The following DNAAF9 variants were observed in gnomAD, a reference collection of about 807,000 sequenced individuals.
DNAAF9 encodes dynein axonemal assembly factor 9.
Under a neutral mutation model 167.0 loss-of-function variants are expected in DNAAF9, and 90 were observed. The observed-to-expected ratio is 0.54, with a 90% CI of 0.45 to 0.64. DNAAF9 has a LOEUF of 0.64. DNAAF9 is among the 30% of genes least tolerant of loss of function. The pLI, the probability that DNAAF9 is intolerant of heterozygous loss-of-function variation, is 0.00. For missense variants in DNAAF9, 1,315 were observed against 1,442.2 expected (o/e 0.91, Z 1.43); for synonymous variants, 491 against 508.8 (o/e 0.96, Z 0.47).
At chr20:3,290,298 T>C in intron 25 of DNAAF9, 81 bp from the exon 26 acceptor site, 1 of 894,326 alleles carries the variant, frequency 1.1e-6, no homozygotes, top group Non-Finnish European at 1.9e-6. Context: ...TGACTTCTGG[T>C]GCCAAGCATT....
chr20:3,294,137 A>G lies in DNAAF9; in HGVS notation c.2238+2T>C. ...CCCAGCATATCTGGTGAGCTCCTCT[A>G]CCTTGTCACTTTCTATTCTGTGAGT... is the stretch of plus-strand genomic sequence containing the variant. On this transcript the variant is annotated splice_donor_variant, in intron 25 of 36. Coordinates refer to ENST00000252032, the MANE Select transcript of DNAAF9 (RefSeq NM_001009984.3). LOFTEE classifies it high-confidence loss of function. 1 of 1,521,140 alleles carries G rather than the reference A, an allele frequency of 6.6e-7. No homozygotes were observed. Among genetic ancestry groups the G allele is most frequent in the Non-Finnish European group, 9.1e-7 (1 of 1,095,190 alleles). 94.2% of individuals were successfully genotyped at this position (1,521,140 alleles called of 1,614,324 possible).
At chr20:3,355,945 A>G (rs1357815441) in intron 7 of DNAAF9, among the ~76,000 whole-genome samples, 1 of 152,098 alleles carries the variant, frequency 6.6e-6, no homozygotes, top group Non-Finnish European at 1.5e-5. Context: ...AATTTCATTA[A>G]AAGTTTGCAA....
chr20:3,403,694 C>T (rs1168832999), intron 1 of DNAAF9, among the ~76,000 whole-genome samples: 1 of 151,980 alleles, frequency 6.6e-6, no homozygotes, highest in Non-Finnish European at 1.5e-5. Flanking sequence ...AACTCGACAC[C>T]TCATGATCTT....
intron 20 of DNAAF9, among the ~76,000 whole-genome samples, chr20:3,312,240 G>T (rs12481544): frequency 6.6e-6 from 1 of 151,986 alleles, no homozygotes; most frequent in Non-Finnish European, 1.5e-5. Flanking sequence ...CGCCCGCCTT[G>T]GCCTCCCAAA....
chr20:3,366,794 G>A (rs561564203), intron 6 of DNAAF9, among the ~76,000 whole-genome samples: 44 of 151,888 alleles, frequency 2.9e-4, no homozygotes, highest in African/African-American at 1.0e-3. Context: ...GCATGGTGGT[G>A]TACCCCTGTA....
chr20:3,367,306 C>T (rs1402229311), intron 6 of DNAAF9, among the ~76,000 whole-genome samples: 1 of 152,234 alleles, frequency 6.6e-6, no homozygotes, highest in Non-Finnish European at 1.5e-5. Flanking sequence ...ATCCAGACCA[C>T]TCAAAGTTTC....
At chr20:3,329,384 C>G (rs754069918) in intron 12 of DNAAF9, among the ~76,000 whole-genome samples, 36 of 152,168 alleles carry the variant, frequency 2.4e-4, no homozygotes, top group Non-Finnish European at 5.0e-4. Context: ...GTCTCGAATT[C>G]CTGGGCTCAA....
intron 1 of DNAAF9, among the ~76,000 whole-genome samples, chr20:3,396,783 G>C (rs1465380406): frequency 6.6e-6 from 1 of 152,204 alleles, no homozygotes; most frequent in African/African-American, 2.4e-5. Context: ...AACTATGTGT[G>C]TAGGGGGGAA....
In DNAAF9 at chr20:3,259,544, G is replaced by C; in HGVS notation, c.2991C>G (p.Ser997=). 1 of 1,611,002 alleles carries C rather than the reference G, an allele frequency of 6.2e-7. No individual in the cohort carries two copies. Among genetic ancestry groups the C allele is most frequent in the Non-Finnish European group, 8.5e-7 (1 of 1,177,126 alleles). ...CGGAGAAGGGACTTGGCTTGATGGA[G>C]GACTGAATTGCTGGTGGAAGAAGAG... ...RFVAKCKAIQ[S]SIKPSPFSGN... Residue 997 remains serine (S), a synonymous_variant, in exon 33 of 37, where the codon TCC becomes TCG. Transcript: ENST00000252032.
At chr20:3,406,614 G>C (rs368372941) in intron 1 of DNAAF9, among the ~76,000 whole-genome samples, 135 of 152,254 alleles carry the variant, frequency 8.9e-4, no homozygotes, top group African/African-American at 3.1e-3. Context: ...ACAGAAATCG[G>C]AAACGGATCT....
At chr20:3,350,661 C>T (rs757312060) in intron 7 of DNAAF9, among the ~76,000 whole-genome samples, 11 of 152,042 alleles carry the variant, frequency 7.2e-5, no homozygotes, top group Non-Finnish European at 7.4e-5. Context: ...GGGTCTCAGA[C>T]AGGAAATGTA....
intron 31 of DNAAF9, among the ~76,000 whole-genome samples, chr20:3,262,833 C>T (rs2068416206): frequency 1.3e-5 from 2 of 152,038 alleles, no homozygotes; most frequent in South Asian, 4.2e-4. Context: ...AAGAAATGAC[C>T]CACTTACTCA....
At chr20:3,404,773 G>C (rs756444911) in intron 1 of DNAAF9, among the ~76,000 whole-genome samples, 3 of 152,206 alleles carry the variant, frequency 2.0e-5, no homozygotes, top group Non-Finnish European at 4.4e-5. Flanking sequence ...AGCAGGAACA[G>C]ATCGCTCTAC....
chr20:3,306,910 A>T, intron 20 of DNAAF9: 1 of 985,262 alleles, frequency 1.0e-6, no homozygotes, highest in South Asian at 4.7e-5. Flanking sequence ...AGGGCTCCAT[A>T]GGTGTCACGA....
intron 31 of DNAAF9, among the ~76,000 whole-genome samples, chr20:3,261,380 T>C (rs2068384272): frequency 6.6e-6 from 1 of 151,860 alleles, no homozygotes; most frequent in Non-Finnish European, 1.5e-5. Context: ...TTTTATTTTA[T>C]TTTTTTGAGA....
At chr20:3,335,757 CAAAA>C (rs151182468) in intron 10 of DNAAF9, among the ~76,000 whole-genome samples, 11 of 98,218 alleles carry the variant, frequency 1.1e-4, no homozygotes, top group African/African-American at 1.6e-4. Flanking sequence ...AACTCCGTCT[CAAAA>C]AAAAAAAAAA....
intron 10 of DNAAF9, among the ~76,000 whole-genome samples, chr20:3,335,839 T>G (rs898048531): frequency 6.6e-5 from 10 of 151,862 alleles, no homozygotes; most frequent in African/African-American, 2.4e-4. Flanking sequence ...ATTTTTTGTT[T>G]GGGCTGAGCG....
chr20:3,259,813 AAAGGT>A (rs1275139942), intron 32 of DNAAF9, 104 bp downstream of exon 32: 3 of 737,080 alleles, frequency 4.1e-6, no homozygotes, highest in Non-Finnish European at 7.0e-6. Context: ...TTTGGTTTCA[AAAGGT>A]AAGAAGACAT....
At chr20:3,379,439 C>G (rs1402749565) in intron 3 of DNAAF9, among the ~76,000 whole-genome samples, 1 of 151,842 alleles carries the variant, frequency 6.6e-6, no homozygotes, top group East Asian at 1.9e-4. Context: ...ACTAAAAATA[C>G]AAAAATTAGC....
Sources: allele counts gnomAD v4.1 joint callset (sites outside exome capture counted in the v4.1 genomes callset), GRCh38; gene constraint gnomAD v4.1.1; transcripts MANE v1.5; gene names NCBI Gene and HGNC (gene_info 2026-07-23, HGNC 2026-07-21).